KCNH3: variants seen among roughly 807,000 people sequenced by gnomAD.
KCNH3 encodes potassium voltage-gated channel subfamily H member 3, also known as voltage-gated inwardly rectifying potassium channel KCNH3.
In KCNH3, 36 loss-of-function variants were observed where a neutral mutation model predicts 95.6. That is an observed-to-expected ratio of 0.38 (90% CI 0.29 to 0.50). The LOEUF is 0.50. Among genes scored for constraint, KCNH3 ranks in the 20% least tolerant of loss-of-function variants. KCNH3 has a pLI of 0.95. For synonymous variants in KCNH3, 620 were observed against 646.3 expected, an observed-to-expected ratio of 0.96 and a Z score of 0.62; for missense variants, 1,030 against 1,484.1, an observed-to-expected ratio of 0.69 and a Z score of 5.03.
intron 7 of KCNH3, among the ~76,000 whole-genome samples, chr12:49,545,834 T>G (rs929858386): frequency 2.0e-4 from 31 of 152,144 alleles, no homozygotes; most frequent in African/African-American, 7.5e-4. Flanking sequence ...GAGGCCTGTG[T>G]GTGTCACAGA....
chr12:49,549,740 G>C (rs1252016292), intron 9 of KCNH3, 100 bp downstream of exon 9: 8 of 1,211,072 alleles, frequency 6.6e-6, no homozygotes, highest in Middle Eastern at 2.0e-4. Context: ...GCAGAATTTT[G>C]GCCCCTGTGC....
At chr12:49,550,026 A>G (rs1034018578) in intron 9 of KCNH3, 54 bp from the exon 10 acceptor site, 7 of 1,512,948 alleles carry the variant, frequency 4.6e-6, no homozygotes, top group African/African-American at 4.1e-5. Flanking sequence ...GCTGGAGGCC[A>G]CCTCCTCTTC....
Position 49,539,918 on chromosome 12 carries a change from A to G in KCNH3, c.76+426A>G, listed in dbSNP as rs995516223. ...CACAGATTTAGAAAAGAGATTTGCA[A>G]ACGGAGATAAGAGTAGGCGGCACTC... On this transcript the variant is annotated intron_variant, in intron 1 of 14. Coordinates refer to ENST00000257981, the MANE Select transcript of KCNH3 (RefSeq NM_012284.3). This position sits in a 1 kb window ranked among gnomAD's most constrained non-coding sequence, Gnocchi z 6.7. 3.9e-5 allele frequency among the ~76,000 whole-genome samples: 6 copies of G among 152,106 alleles called. No individual in the cohort carries two copies. The highest frequency in any genetic ancestry group is 1.4e-4 in the African/African-American group (6 of 41,420).
chr12:49,547,929 C>T (rs1938115036), intron 7 of KCNH3, among the ~76,000 whole-genome samples: 1 of 152,168 alleles, frequency 6.6e-6, no homozygotes, highest in Admixed American at 6.5e-5. Flanking sequence ...CATCCAACAC[C>T]CTAGAGCTCC....
rs1284289650 is a variant in KCNH3, at chr12:49,539,522, G to T, written c.76+30G>T. The stretch of plus-strand genomic sequence containing the variant: ...GTCCGACCCTCGCCCACTTGCACCC[G>T]GGCCGCCGGACCCTCGCCAGGGCTC... On this transcript the variant is annotated intron_variant, in intron 1 of 14. Transcript: ENST00000257981. The surrounding 1 kb of genome is among the most constrained non-coding windows in gnomAD (Gnocchi z 6.7). 2 of 1,570,308 alleles carry T rather than the reference G, an allele frequency of 1.3e-6. No individual in the cohort carries two copies. Among genetic ancestry groups the T allele is most frequent in the Admixed American group, 1.8e-5 (1 of 55,268 alleles).
chr12:49,556,596 T>C, intron 13 of KCNH3, 120 bp downstream of exon 13: 1 of 776,212 alleles, frequency 1.3e-6, no homozygotes, highest in East Asian at 2.7e-5. Flanking sequence ...CTGGAGGCCG[T>C]CTCACCCCAC....
rs1938186304 is a variant in KCNH3, at chr12:49,549,520, C to T, written c.1548C>T (p.Ser516=). The T allele has an allele frequency of 6.2e-7, 1 of 1,613,762 alleles. No individual in the cohort carries two copies. The highest frequency in any genetic ancestry group is 8.5e-7 in the Non-Finnish European group (1 of 1,180,052). Residue 516 remains serine (S), a synonymous_variant, in exon 9 of 15, where the codon AGC becomes AGT. Coordinates refer to ENST00000257981, the MANE Select transcript of KCNH3 (RefSeq NM_012284.3). Reference sequence around the variant, plus strand: ...ACGCCCGCCGCTTTCTGTACCACAGCCGCACGCGCGACCTGCGCGACTACA... The same window carrying T: ...ACGCCCGCCGCTTTCTGTACCACAGTCGCACGCGCGACCTGCGCGACTACA... ...RMYARRFLYH[S]RTRDLRDYIR... is the part of the protein sequence containing the mutation.
Position 49,549,018 on chromosome 12 carries a change from C to T in KCNH3, c.1313C>T (p.Thr438Met). Reference protein sequence around the residue: ...NCSSSSEANGTGLELLGGPSL... With the variant: ...NCSSSSEANGMGLELLGGPSL... The stretch of plus-strand genomic sequence containing the variant: ...AGCAGCAGCAGCGAGGCCAACGGGA[C>T]GGGGCTGGAGCTGCTGGGCGGCCCG... Residue 438 changes from threonine (T) to methionine (M), a missense_variant, in exon 8 of 15, where the codon ACG becomes ATG. Thr to Met is a moderately conservative substitution (Grantham distance 81). This residue lies in a region of KCNH3 where 50 missense variants were observed against 41.0 expected (regional missense o/e 1.22). Transcript: ENST00000257981. 1 of 1,611,816 alleles carries T rather than the reference C, an allele frequency of 6.2e-7. No homozygotes were observed. The highest frequency in any genetic ancestry group is 8.5e-7 in the Non-Finnish European group (1 of 1,179,556).
Position 49,541,019 on chromosome 12 carries a change from C to A in KCNH3, c.197C>A (p.Ala66Asp). The A allele has an allele frequency of 3.1e-6, 5 of 1,614,052 alleles. No individual in the cohort carries two copies. The highest frequency in any genetic ancestry group is 4.2e-6 in the Non-Finnish European group (5 of 1,180,034). ...SRAEVMQRGC[A>D]CSFLYGPDTS... Reference sequence around the variant, plus strand: ...GCTGAGGTCATGCAGCGGGGCTGTGCCTGCTCCTTCCTTTATGGGCCAGAC... The same window carrying A: ...GCTGAGGTCATGCAGCGGGGCTGTGACTGCTCCTTCCTTTATGGGCCAGAC... Residue 66 changes from alanine (A) to aspartate (D), a missense_variant, in exon 2 of 15, where the codon GCC (alanine) becomes GAC (aspartate). Coordinates refer to ENST00000257981, the MANE Select transcript of KCNH3 (RefSeq NM_012284.3).
At chr12:49,547,127 T>G (rs1048462929) in intron 7 of KCNH3, among the ~76,000 whole-genome samples, 5 of 152,130 alleles carry the variant, frequency 3.3e-5, no homozygotes, top group African/African-American at 1.2e-4. Flanking sequence ...ACTCCTGACC[T>G]TGTGATCTGC....
chr12:49,544,141 T>TGCCGG, intron 6 of KCNH3, 34 bp from the exon 7 acceptor site: 3 of 1,413,372 alleles, frequency 2.1e-6, no homozygotes, highest in Non-Finnish European at 2.9e-6. Context: ...CCCGCTGACC[T>TGCCGG]CCCTCCCTCC....
chr12:49,554,277 C>T (rs1310366633), intron 10 of KCNH3, 60 bp from the exon 11 acceptor site: 4 of 1,383,052 alleles, frequency 2.9e-6, no homozygotes, highest in Middle Eastern at 2.1e-4. Flanking sequence ...CTGCAGCCCC[C>T]TCTTCTCTCC....
At chr12:49,556,771 G>A (rs1484084631) in intron 13 of KCNH3, 5 of 666,730 alleles carry the variant, frequency 7.5e-6, no homozygotes, top group South Asian at 1.5e-5. Flanking sequence ...ATGGGTTGAT[G>A]TTTACGTTAT....
chr12:49,543,280 G>A lies in KCNH3; in HGVS notation c.585G>A (p.Val195=), dbSNP rs1257627440. The change falls in exon 5 of 15, where the codon GTG becomes GTA. Residue 195 remains valine, a synonymous_variant. Coordinates refer to ENST00000257981, the MANE Select transcript of KCNH3 (RefSeq NM_012284.3). ...PKGKHKLNKG[V]FGEKPNLPEY... ...ACCTGCCCTGCCTCACTCAGGGGGT[G>A]TTTGGGGAGAAACCAAACTTGCCTG... is the stretch of plus-strand genomic sequence containing the variant. 1.1e-5 allele frequency: 17 copies of A among 1,613,384 alleles called. No individual in the cohort carries two copies. Among genetic ancestry groups the A allele is most frequent in the Non-Finnish European group, 1.4e-5 (16 of 1,180,022 alleles).
At chr12:49,554,289 C>A in intron 10 of KCNH3, 48 bp from the exon 11 acceptor site, 1 of 1,494,750 alleles carries the variant, frequency 6.7e-7, no homozygotes, top group Admixed American at 1.7e-5. Context: ...CTTCTCTCCT[C>A]ATGGCTGAAG....
chr12:49,539,580 G>A lies in KCNH3; in HGVS notation c.76+88G>A. 1 of 1,203,016 alleles carries A rather than the reference G, an allele frequency of 8.3e-7. No individual in the cohort carries two copies. The highest frequency in any genetic ancestry group is 1.2e-6 in the Non-Finnish European group (1 of 853,506). The allele number at this position is 1,203,016 out of a possible 1,614,324, so 74.5% of individuals were successfully genotyped here. A position where few individuals can be genotyped will look rare whatever the true frequency, so the allele number is the denominator to read the frequency against. On this transcript the variant is annotated intron_variant, in intron 1 of 14. Coordinates refer to ENST00000257981, the MANE Select transcript of KCNH3 (RefSeq NM_012284.3). This position sits in a 1 kb window ranked among gnomAD's most constrained non-coding sequence, Gnocchi z 6.7. ...CCCCGAACCCCCAGCAGCCCAGCTT[G>A]GCGCCAGCCTATTCTCACCCTCTCC...
At chr12:49,544,150 C>CAA in intron 6 of KCNH3, 25 bp from the exon 7 acceptor site, 1 of 690,468 alleles carries the variant, frequency 1.4e-6, no homozygotes. Context: ...CTCCCTCCCT[C>CAA]CCTCCCTCCC....
chr12:49,540,847 A>G, intron 1 of KCNH3, 52 bp from the exon 2 acceptor site: 1 of 1,434,992 alleles, frequency 7.0e-7, no homozygotes, highest in Non-Finnish European at 9.8e-7. Flanking sequence ...GAGGGGTGGT[A>G]GGCCTCCTGC....
intron 3 of KCNH3, 25 bp downstream of exon 3, chr12:49,541,789 C>CGG: frequency 6.2e-7 from 1 of 1,612,986 alleles, no homozygotes; most frequent in Non-Finnish European, 8.5e-7. Context: ...GTGCTGTGGT[C>CGG]GGGGTATTGG....
Sources: gnomAD v4.1 joint callset for allele counts (sites outside exome capture counted in the v4.1 genomes callset) on GRCh38, gnomAD v4.1.1 for gene constraint, gnomAD v4.1.1 regional missense constraint, Gnocchi (gnomAD v3.1) non-coding constraint, MANE v1.5 for transcripts, NCBI Gene and HGNC (gene_info 2026-07-23, HGNC 2026-07-21) for gene names.